KANK3: variants seen among roughly 807,000 people sequenced by gnomAD.
The protein encoded by KANK3 is KN motif and ankyrin repeat domain-containing protein 3.
KANK3 carries 61 observed loss-of-function variants against 65.4 expected under a neutral mutation model. The observed-to-expected ratio is 0.93, with a 90% CI of 0.76 to 1.15. KANK3 has a LOEUF of 1.15. Among genes scored for constraint, KANK3 ranks in the 50% most tolerant of loss-of-function variants. The pLI, the probability that KANK3 is intolerant of heterozygous loss-of-function variation, is 0.00. For missense variants in KANK3, 1,187 were observed against 1,178.8 expected (o/e 1.01, Z -0.10); for synonymous variants, 586 against 543.3 (o/e 1.08, Z -1.09).
At chr19:8,334,476 C>T in intron 3 of KANK3, 24 bp downstream of exon 3, 1 of 1,608,812 alleles carries the variant, frequency 6.2e-7, no homozygotes, top group Non-Finnish European at 8.5e-7. Context: ...TAAGCCAGGG[C>T]CCAGCGACGG....
chr19:8,335,967 G>GC (rs1233748072), intron 2 of KANK3, among the ~76,000 whole-genome samples, 175 bp from the exon 3 acceptor site: 1 of 152,236 alleles, frequency 6.6e-6, no homozygotes, highest in Non-Finnish European at 1.5e-5. Context: ...AAGTTTCTAG[G>GC]CCCGGGGGAC....
At chr19:8,342,094 A>G (rs1176108352) in intron 1 of KANK3, among the ~76,000 whole-genome samples, 1 of 152,162 alleles carries the variant, frequency 6.6e-6, no homozygotes, top group Non-Finnish European at 1.5e-5. Flanking sequence ...CCAGGGTTCA[A>G]GCGACTCTCC....
Position 8,335,652 on chromosome 19 carries a change from GGCCA to G in KANK3, c.171_174del (p.Gly58ProfsTer57), listed in dbSNP as rs1970624582. Reference sequence around the variant, plus strand: ...GGTCCCGGGGCGCGGCGGGCAGCGGGGCCACGCTCCAGCTCCTCTATGTACTTGA... The same window carrying G: ...GGTCCCGGGGCGCGGCGGGCAGCGGGCGCTCCAGCTCCTCTATGTACTTGA... On this transcript the variant is annotated frameshift_variant, in exon 3 of 11. Transcript: ENST00000330915. LOFTEE classifies it high-confidence loss of function. The G allele has an allele frequency of 2.4e-6, 3 of 1,249,248 alleles. No individual in the cohort carries two copies. The allele number at this position is 1,249,248 out of a possible 1,614,324, so 77.4% of individuals were successfully genotyped here.
At chr19:8,337,921 T>G in intron 1 of KANK3, 65 bp from the exon 2 acceptor site, 2 of 1,593,286 alleles carry the variant, frequency 1.3e-6, no homozygotes, top group Middle Eastern at 1.7e-4. Context: ...GGGCCTGCCT[T>G]TGAGTCTAAG....
Position 8,335,296 on chromosome 19 carries a change from C to T in KANK3, c.531G>A (p.Ser177=), listed in dbSNP as rs1448674785. 8.3e-7 allele frequency: 1 copy of T among 1,207,726 alleles called. No homozygotes were observed. Among genetic ancestry groups the T allele is most frequent in the South Asian group, 3.6e-5 (1 of 27,980 alleles). The allele number at this position is 1,207,726 out of a possible 1,614,324, so 74.8% of individuals were successfully genotyped here. The change falls in exon 3 of 11, where the codon TCG becomes TCA. Residue 177 remains serine (S), a synonymous_variant. Transcript: ENST00000330915. ...CCAGCTGCAGTTGGGCAGGGCCGGGCGAAGCAGGGGCAAGGTTAGGGGCGG... is the reference window on the plus strand; with the variant it reads ...CCAGCTGCAGTTGGGCAGGGCCGGGTGAAGCAGGGGCAAGGTTAGGGGCGG... The part of the protein sequence containing the change: ...SSPAPNLAPA[S]PGPAQLQLVR...
At chr19:8,336,157 C>CG (rs1970633969) in intron 2 of KANK3, among the ~76,000 whole-genome samples, 1 of 152,178 alleles carries the variant, frequency 6.6e-6, no homozygotes, top group Non-Finnish European at 1.5e-5. Flanking sequence ...GGAGCCCTGG[C>CG]CCGGCGTGTG....
chr19:8,323,272 G>A (rs1212138911), intron 10 of KANK3: 1 of 181,750 alleles, frequency 5.5e-6, no homozygotes, highest in Non-Finnish European at 1.1e-5. Flanking sequence ...TTAGCCTGTA[G>A]TTGGGGAAAC....
chr19:8,335,370 G>C lies in KANK3; in HGVS notation c.457C>G (p.Pro153Ala), dbSNP rs1288289428. The C allele has an allele frequency of 1.0e-5, 12 of 1,196,966 alleles. No homozygotes were observed. The highest frequency in any genetic ancestry group is 4.5e-5 in the Admixed American group (1 of 22,338). 74.1% of individuals were successfully genotyped at this position (1,196,966 alleles called of 1,614,324 possible). Residue 153 changes from proline (P) to alanine (A), a missense_variant, in exon 3 of 11, where the codon CCC becomes GCC. Transcript: ENST00000330915. Reference sequence around the variant, plus strand: ...GGGCTGCGCGGGACCCCGCGGCCGGGGCTGGGCGCGCGCTCGTGTGTCTGC... The same window carrying C: ...GGGCTGCGCGGGACCCCGCGGCCGGCGCTGGGCGCGCGCTCGTGTGTCTGC... The part of the protein sequence containing the change: ...LAQTHERAPS[P>A]GRGVPRSPRG...
At chr19:8,323,153 G>GT in intron 10 of KANK3, 2 of 383,802 alleles carry the variant, frequency 5.2e-6, no homozygotes, top group Non-Finnish European at 9.4e-6. Context: ...TTACATTCCG[G>GT]TGAGTACATC....
Position 8,335,193 on chromosome 19 carries a change from C to A in KANK3, c.634G>T (p.Glu212Ter). The stretch of plus-strand genomic sequence containing the variant: ...TCGGCGCGCAGCGCGCGCACCTGCT[C>A]CTGCAGCTCGGGCAGCGTTCGCGCC... ...DQARTLPELQ[E>*]QVRALRAEKA... is the part of the protein sequence containing the mutation. The change falls in exon 3 of 11, where the codon GAG becomes TAG. Residue 212 changes from glutamate (E) to a stop codon, truncating the protein, a stop_gained. Coordinates refer to ENST00000330915, the MANE Select transcript of KANK3 (RefSeq NM_198471.3). LOFTEE classifies it high-confidence loss of function. The A allele has an allele frequency of 8.2e-7, 1 of 1,216,768 alleles. No homozygotes were observed. Among genetic ancestry groups the A allele is most frequent in the South Asian group, 3.4e-5 (1 of 29,836 alleles). 75.4% of individuals were successfully genotyped at this position (1,216,768 alleles called of 1,614,324 possible).
At chr19:8,325,239 C>G (rs1256707185) in intron 7 of KANK3, 143 bp from the exon 8 acceptor site, 1 of 800,890 alleles carries the variant, frequency 1.2e-6, no homozygotes, top group Non-Finnish European at 1.9e-6. Flanking sequence ...CTGGTTCCTC[C>G]CTCACTAAGG....
rs778164714 is a variant in KANK3 at position 8,327,657 on chromosome 19, G to A, written c.1937-2561C>T. On this transcript the variant is annotated intron_variant, in intron 7 of 10. Coordinates refer to ENST00000330915, the MANE Select transcript of KANK3 (RefSeq NM_198471.3). ...GCCAAAAAAAAAATTAGCTGAGTGT[G>A]GTGGTTCATGCCTGTGGTCCCAAAT... 1.4e-4 allele frequency among the ~76,000 whole-genome samples: 22 copies of A among 152,240 alleles called. No homozygotes were observed. In the East Asian group the frequency reaches 4.1e-3, roughly 28 times the overall value.
At chr19:8,326,194 G>GC (rs1459690403) in intron 7 of KANK3, among the ~76,000 whole-genome samples, 2 of 152,072 alleles carry the variant, frequency 1.3e-5, no homozygotes, top group African/African-American at 4.8e-5. Context: ...ACTTTGAGAG[G>GC]CCGAGGTGGT....
intron 4 of KANK3, 55 bp downstream of exon 4, chr19:8,334,265 C>T: frequency 6.2e-7 from 1 of 1,602,374 alleles, no homozygotes; most frequent in Middle Eastern, 1.7e-4. Context: ...AGCTGGGGTT[C>T]CAACCCCAGT....
Position 8,335,072 on chromosome 19 carries a change from T to A in KANK3, c.755A>T (p.Glu252Val), listed in dbSNP as rs925541479. The A allele has an allele frequency of 1.5e-6, 2 of 1,315,942 alleles. No homozygotes were observed. Among genetic ancestry groups the A allele is most frequent in the African/African-American group, 3.1e-5 (2 of 64,466 alleles). 81.5% of individuals were successfully genotyped at this position (1,315,942 alleles called of 1,614,324 possible). A position where few individuals can be genotyped will look rare whatever the true frequency, so the allele number is the denominator to read the frequency against. ...GCCGCGCTCGGAGGTGGCCAGGCGC[T>A]CGGTGAGCCGCCGCAGCTGGGCGAG... is the stretch of plus-strand genomic sequence containing the variant. Reference protein sequence around the residue: ...DKLAQLRRLTERLATSERGGR... With the variant: ...DKLAQLRRLTVRLATSERGGR... Residue 252 changes from glutamate to valine, a missense_variant, in exon 3 of 11, where the codon GAG (glutamate) becomes GTG (valine). Glu to Val is a moderately radical substitution (Grantham distance 121, BLOSUM62 -2). Around this residue, in one of 3 missense-constraint regions of KANK3, gnomAD observed 1,078 missense variants for 1,038.2 expected, o/e 1.04. Transcript: ENST00000330915.
At position 8,334,077 on chromosome 19, in the gene KANK3, ATCGCTGTCGCTGGCGTCC is replaced by A; in HGVS notation, c.1449_1466del (p.Glu483_Ser488del). ...CGGCGCCACCGTTCTCGCTGTCGCC[ATCGCTGTCGCTGGCGTCC>A]TCGCTGGAGGAGCTCTCGTACCTGG... is the stretch of plus-strand genomic sequence containing the variant. On this transcript the variant is annotated inframe_deletion, in exon 5 of 11. Transcript: ENST00000330915. The A allele has an allele frequency of 1.3e-6, 1 of 759,138 alleles. No individual in the cohort carries two copies. Among genetic ancestry groups the A allele is most frequent in the Non-Finnish European group, 1.7e-6 (1 of 588,490 alleles). The allele number at this position is 759,138 out of a possible 1,614,324, so 47.0% of individuals were successfully genotyped here. A position where few individuals can be genotyped will look rare whatever the true frequency, so the allele number is the denominator to read the frequency against.
chr19:8,322,784 G>T lies in KANK3; in HGVS notation c.*55C>A. 7.4e-7 allele frequency: 1 copy of T among 1,356,904 alleles called. No individual in the cohort carries two copies. The highest frequency in any genetic ancestry group is 1.2e-5 in the South Asian group (1 of 83,376). The allele number at this position is 1,356,904 out of a possible 1,614,324, so 84.1% of individuals were successfully genotyped here. A position where few individuals can be genotyped will look rare whatever the true frequency, so the allele number is the denominator to read the frequency against. On this transcript the variant is annotated 3_prime_UTR_variant, in exon 11 of 11. Transcript: ENST00000330915. ...ACCCTTCTGTGCGCCAAAGGCTGAG[G>T]TGACTGACGAGGAGATCTCCCCACA... is the stretch of plus-strand genomic sequence containing the variant.
chr19:8,333,498 A>G lies in KANK3; in HGVS notation c.1719+226T>C, dbSNP rs1970567168. On this transcript the variant is annotated intron_variant, in intron 6 of 10. Transcript: ENST00000330915. This position sits in a 1 kb window ranked among gnomAD's most constrained non-coding sequence, Gnocchi z 5.0. ...AACATGGAACGGGGAAAGGCAATGAACGCTTGCCCTTGGGGAGTCCGGGAG... is the reference window on the plus strand; with the variant it reads ...AACATGGAACGGGGAAAGGCAATGAGCGCTTGCCCTTGGGGAGTCCGGGAG... Among the ~76,000 whole-genome samples, 1 of 152,022 alleles carries G rather than the reference A, an allele frequency of 6.6e-6. No individual in the cohort carries two copies. Among genetic ancestry groups the G allele is most frequent in the African/African-American group, 2.4e-5 (1 of 41,396 alleles).
At chr19:8,331,299 T>C (rs1233060597) in intron 7 of KANK3, among the ~76,000 whole-genome samples, 1 of 152,166 alleles carries the variant, frequency 6.6e-6, no homozygotes, top group Non-Finnish European at 1.5e-5. Flanking sequence ...GCCTACTTCC[T>C]TGCCGCAGCC....
Sources: allele counts gnomAD v4.1 joint callset (sites outside exome capture counted in the v4.1 genomes callset), GRCh38; gene constraint gnomAD v4.1.1; regional missense constraint gnomAD v4.1.1; non-coding constraint Gnocchi (gnomAD v3.1); transcripts MANE v1.5; gene names NCBI Gene and HGNC (gene_info 2026-07-23, HGNC 2026-07-21).